The following INTS13 variants were observed in gnomAD, a reference collection of about 807,000 sequenced individuals.
INTS13 encodes integrator complex subunit 13.
In INTS13, 35 loss-of-function variants were observed where a neutral mutation model predicts 90.2. The observed-to-expected ratio is 0.39, with a 90% CI of 0.30 to 0.51. The LOEUF (loss-of-function observed/expected upper bound fraction) is 0.51, where lower values mean the gene tolerates loss of function less well. INTS13 is among the 20% of genes least tolerant of loss of function. The probability of loss-of-function intolerance (pLI) is 0.80; values close to 1 mark genes in which losing one functional copy is unlikely to be tolerated. For synonymous variants in INTS13, 309 were observed against 277.1 expected (o/e 1.11, Z -1.14); for missense variants, 601 against 851.2 (o/e 0.71, Z 3.66).
At position 26,936,776 on chromosome 12, in the gene INTS13, T is replaced by C; in HGVS notation, c.28A>G (p.Thr10Ala). 6.2e-7 allele frequency: 1 copy of C among 1,613,678 alleles called. No individual in the cohort carries two copies. Among genetic ancestry groups the C allele is most frequent in the Non-Finnish European group, 8.5e-7 (1 of 1,179,684 alleles). ...GGGCAGTGATCCACAACAAACACTGTTTTATGAGATTCAGAAAAAATCTTC... is the reference window on the plus strand; with the variant it reads ...GGGCAGTGATCCACAACAAACACTGCTTTATGAGATTCAGAAAAAATCTTC... The part of the protein sequence containing the change: MKIFSESHK[T>A]VFVVDHCPYM... The change falls in exon 2 of 17, where the codon ACA becomes GCA. Residue 10 changes from threonine (T) to alanine (A), a missense_variant. Physicochemically the swap from Thr to Ala is moderately conservative, Grantham distance 58. Around this residue, in one of 3 missense-constraint regions of INTS13, gnomAD observed 284 missense variants for 387.7 expected, o/e 0.73. Transcript: ENST00000261191.
At chr12:26,908,481 C>T (rs1040313294) in intron 15 of INTS13, among the ~76,000 whole-genome samples, 1 of 151,094 alleles carries the variant, frequency 6.6e-6, no homozygotes, top group African/African-American at 2.4e-5. Flanking sequence ...GCTCTAACAA[C>T]TAAAAATTTT....
intron 3 of INTS13, among the ~76,000 whole-genome samples, chr12:26,929,744 G>A (rs1272510929): frequency 6.7e-6 from 1 of 148,486 alleles, no homozygotes; most frequent in Non-Finnish European, 1.5e-5. Flanking sequence ...AGGAAGGAAG[G>A]AAAGAAGAAA....
In INTS13 at chr12:26,905,371, A is replaced by C; in HGVS notation, c.*126T>G. The C allele has an allele frequency of 1.3e-6, 1 of 797,230 alleles. No individual in the cohort carries two copies. Among genetic ancestry groups the C allele is most frequent in the Non-Finnish European group, 2.0e-6 (1 of 509,020 alleles). The allele number at this position is 797,230 out of a possible 1,614,324, so 49.4% of individuals were successfully genotyped here. On this transcript the variant is annotated 3_prime_UTR_variant, in exon 17 of 17. Coordinates refer to ENST00000261191, the MANE Select transcript of INTS13 (RefSeq NM_018164.3). ...AATTAGTACAAAAATGACAGCTGAA[A>C]TATTTTAAAAATGTAAAAACCAGTC...
Position 26,914,498 on chromosome 12 carries a change from G to A in INTS13, c.1329C>T (p.Val443=). 6.2e-7 allele frequency: 1 copy of A among 1,613,834 alleles called. No homozygotes were observed. Among genetic ancestry groups the A allele is most frequent in the Non-Finnish European group, 8.5e-7 (1 of 1,179,868 alleles). ...ACTGATCTTTTGCTCGTTCCAAAGG[G>A]ACCTCAAGACTTCCATCGATTTTAT... ...PRYKIDGSLE[V]PLERAKDQLE... The change falls in exon 12 of 17, where the codon GTC becomes GTT. Residue 443 remains valine (V), a synonymous_variant. Transcript: ENST00000261191.
intron 7 of INTS13, among the ~76,000 whole-genome samples, chr12:26,923,585 A>G (rs1004997370): frequency 1.3e-5 from 2 of 152,206 alleles, no homozygotes; most frequent in African/African-American, 4.8e-5. Context: ...ACCCATTTGA[A>G]GCTTACTATG....
Position 26,911,170 on chromosome 12 carries a change from T to C in INTS13, c.1945+8A>G. Reference sequence around the variant, plus strand: ...TTTATAAACCTAGTTACCACAGCTGTACCTTACCTTTTGATTTTTCCACTT... The same window carrying C: ...TTTATAAACCTAGTTACCACAGCTGCACCTTACCTTTTGATTTTTCCACTT... On this transcript the variant is annotated splice_region_variant and intron_variant, in intron 15 of 16. Transcript: ENST00000261191. 7 of 1,612,004 alleles carry C rather than the reference T, an allele frequency of 4.3e-6. No individual in the cohort carries two copies. The highest frequency in any genetic ancestry group is 5.9e-6 in the Non-Finnish European group (7 of 1,179,448).
At chr12:26,918,097 A>G (rs1344436567) in intron 8 of INTS13, among the ~76,000 whole-genome samples, 6 of 152,104 alleles carry the variant, frequency 3.9e-5, no homozygotes, top group African/African-American at 1.4e-4. Flanking sequence ...ACTCCAGCCT[A>G]GGCAACAGAG....
intron 3 of INTS13, among the ~76,000 whole-genome samples, chr12:26,932,087 CAAAAAAAAAA>C (rs34658630): frequency 2.5e-5 from 2 of 78,944 alleles, no homozygotes; most frequent in African/African-American, 9.3e-5. Context: ...AACTCAGTCT[CAAAAAAAAAA>C]AAAAAAAACA....
chr12:26,917,145 T>G (rs2137456988), intron 10 of INTS13, among the ~76,000 whole-genome samples: 1 of 152,244 alleles, frequency 6.6e-6, no homozygotes, highest in South Asian at 2.1e-4. Flanking sequence ...AGTCATCTTT[T>G]AAATGTTAGT....
rs1251105005 is a variant in INTS13 at position 26,922,561 on chromosome 12, T to C, written c.889+55A>G. ...TTCCCTGAGGATGTGGGGGCTACTG[T>C]AATATGCTTTCATATGTTAGATCAT... is the stretch of plus-strand genomic sequence containing the variant. On this transcript the variant is annotated intron_variant, in intron 8 of 16. Transcript: ENST00000261191. 4.4e-6 allele frequency: 6 copies of C among 1,361,718 alleles called. No homozygotes were observed. The East Asian group carries it at 7.1e-5, about 16-fold the overall frequency. 84.4% of individuals were successfully genotyped at this position (1,361,718 alleles called of 1,614,324 possible). A position where few individuals can be genotyped will look rare whatever the true frequency, so the allele number is the denominator to read the frequency against.
At position 26,917,697 on chromosome 12, in the gene INTS13, G is replaced by A. The variant is rs187282284; in HGVS notation, c.926C>T (p.Ser309Leu). 9 of 1,613,586 alleles carry A rather than the reference G, an allele frequency of 5.6e-6. No individual in the cohort carries two copies. The highest frequency in any genetic ancestry group is 4.5e-5 in the East Asian group (2 of 44,858). ...SHLGGGSREGSFKETITLKWC... is the reference protein window; with the variant it reads ...SHLGGGSREGLFKETITLKWC... Reference sequence around the variant, plus strand: ...CTTTAATGTTATTGTTTCTTTAAACGAGCCTTCTCGACTGCCGCCACCTAG... The same window carrying A: ...CTTTAATGTTATTGTTTCTTTAAACAAGCCTTCTCGACTGCCGCCACCTAG... Residue 309 changes from serine (S) to leucine (L), a missense_variant, in exon 9 of 17, where the codon TCG (serine) becomes TTG (leucine). Ser to Leu is a moderately radical substitution (Grantham distance 145). Coordinates refer to ENST00000261191, the MANE Select transcript of INTS13 (RefSeq NM_018164.3).
At chr12:26,927,819 T>C (rs1937967137) in intron 5 of INTS13, among the ~76,000 whole-genome samples, 1 of 152,164 alleles carries the variant, frequency 6.6e-6, no homozygotes, top group Non-Finnish European at 1.5e-5. Context: ...TTTTGCCATG[T>C]TGCCCAGGCT....
chr12:26,919,799 A>G lies in INTS13; in HGVS notation c.890-2066T>C, dbSNP rs904104663. Among the ~76,000 whole-genome samples the G allele has an allele frequency of 3.3e-5, 5 of 152,176 alleles. No homozygotes were observed. The East Asian group carries it at 9.7e-4, about 29-fold the overall frequency. On this transcript the variant is annotated intron_variant, in intron 8 of 16. Coordinates refer to ENST00000261191, the MANE Select transcript of INTS13 (RefSeq NM_018164.3). The stretch of plus-strand genomic sequence containing the variant: ...GTTGAAGTGTAGGTGACTGAGAGAC[A>G]TCTAAGAGATACAATTAGGAAGTAG...
chr12:26,915,764 C>T (rs1951914324), intron 11 of INTS13, among the ~76,000 whole-genome samples: 1 of 152,126 alleles, frequency 6.6e-6, no homozygotes, highest in African/African-American at 2.4e-5. Context: ...TCCTACAATT[C>T]CAGCGTGTCA....
intron 15 of INTS13, among the ~76,000 whole-genome samples, chr12:26,909,547 C>A (rs1038691758): frequency 5.4e-5 from 8 of 148,368 alleles, no homozygotes; most frequent in African/African-American, 2.0e-4. Context: ...CATCTTGGCT[C>A]ACTGCAATCT....
chr12:26,934,637 G>T lies in INTS13; in HGVS notation c.226-7C>A. ...CACTCACAATAAAATTCACCTAATA[G>T]ATTCCAAAGAAACAATTAGTATTCA... On this transcript the variant is annotated splice_polypyrimidine_tract_variant and splice_region_variant and intron_variant, in intron 2 of 16. Transcript: ENST00000261191. 1 of 1,601,552 alleles carries T rather than the reference G, an allele frequency of 6.2e-7. No homozygotes were observed. The highest frequency in any genetic ancestry group is 8.6e-7 in the Non-Finnish European group (1 of 1,169,584).
At chr12:26,917,294 TAAA>T (rs1951966601) in intron 10 of INTS13, 55 bp downstream of exon 10, 1 of 520,570 alleles carries the variant, frequency 1.9e-6, no homozygotes, top group South Asian at 4.5e-5. Flanking sequence ...AATTTAATAA[TAAA>T]TAATTCAAAT....
In INTS13 at chr12:26,925,756, C is replaced by T. The variant is rs1362204134; in HGVS notation, c.675+5G>A. ...AGTCTTTTCTTTCATTATTTCAACA[C>T]TCACCTCTTTTTTAGAACGATCAGA... is the stretch of plus-strand genomic sequence containing the variant. On this transcript the variant is annotated splice_donor_5th_base_variant and intron_variant, in intron 6 of 16. Transcript: ENST00000261191. The T allele has an allele frequency of 1.2e-6, 2 of 1,600,134 alleles. No individual in the cohort carries two copies. The highest frequency in any genetic ancestry group is 1.7e-6 in the Non-Finnish European group (2 of 1,169,192).
intron 1 of INTS13, 99 bp from the exon 2 acceptor site, chr12:26,936,913 G>T: frequency 1.3e-6 from 1 of 768,756 alleles, no homozygotes; most frequent in African/African-American, 1.7e-5. Context: ...AGAAGACTTG[G>T]TAGGGAACAT....
Sources: allele counts gnomAD v4.1 joint callset (sites outside exome capture counted in the v4.1 genomes callset), GRCh38; gene constraint gnomAD v4.1.1; regional missense constraint gnomAD v4.1.1; transcripts MANE v1.5; gene names NCBI Gene and HGNC (gene_info 2026-07-23, HGNC 2026-07-21).